The following PRKCZ variants were observed in gnomAD, a reference collection of about 807,000 sequenced individuals.
PRKCZ encodes protein kinase C zeta type.
Under a neutral mutation model 79.5 loss-of-function variants are expected in PRKCZ, and 33 were observed. The ratio of observed to expected loss-of-function variants is 0.41; its 90% CI spans 0.31 to 0.55. The LOEUF is 0.55. PRKCZ is among the 20% of genes least tolerant of loss of function. PRKCZ has a pLI of 0.19. For missense variants in PRKCZ, 578 were observed against 813.5 expected (o/e 0.71, Z 3.52); for synonymous variants, 342 against 320.9 (o/e 1.07, Z -0.70).
intron 10 of PRKCZ, among the ~76,000 whole-genome samples, chr1:2,163,679 A>C (rs965102675): frequency 2.0e-5 from 3 of 152,052 alleles, no homozygotes; most frequent in African/African-American, 7.2e-5. Flanking sequence ...TCACGAGGTC[A>C]GGAGATCAAG....
At position 2,172,620 on chromosome 1, in the gene PRKCZ, G is replaced by A. The variant is rs1016672532; in HGVS notation, c.1285+232G>A. ...GAGGGCACTGCACAGGATTCCTCCTGCCAGGGAGCCCCGGGGCACAGGGAG... is the reference window on the plus strand; with the variant it reads ...GAGGGCACTGCACAGGATTCCTCCTACCAGGGAGCCCCGGGGCACAGGGAG... On this transcript the variant is annotated intron_variant, in intron 13 of 17. Transcript: ENST00000378567. This position sits in a 1 kb window ranked among gnomAD's most constrained non-coding sequence, Gnocchi z 7.8. Among the ~76,000 whole-genome samples the A allele has an allele frequency of 1.3e-5, 2 of 152,190 alleles. No individual in the cohort carries two copies. Among genetic ancestry groups the A allele is most frequent in the Admixed American group, 6.5e-5 (1 of 15,288 alleles).
At chr1:2,074,112 CG>C in intron 4 of PRKCZ, 1 of 1,514,824 alleles carries the variant, frequency 6.6e-7, no homozygotes, top group Non-Finnish European at 8.8e-7. Context: ...TGCCACGGCC[CG>C]GGGAAGGCGT....
intron 4 of PRKCZ, chr1:2,074,362 C>G: frequency 6.6e-7 from 1 of 1,519,204 alleles, no homozygotes; most frequent in South Asian, 1.2e-5. Flanking sequence ...TTGGGCTCGT[C>G]TGCCTGCCTG....
At chr1:2,063,697 C>T (rs972983049) in intron 4 of PRKCZ, among the ~76,000 whole-genome samples, 1 of 152,244 alleles carries the variant, frequency 6.6e-6, no homozygotes, top group Non-Finnish European at 1.5e-5. Flanking sequence ...ACGAGCGCCA[C>T]TGTCTCCGCA....
chr1:2,132,873 G>A (rs1224589535), intron 4 of PRKCZ, among the ~76,000 whole-genome samples: 2 of 152,344 alleles, frequency 1.3e-5, no homozygotes, highest in East Asian at 3.9e-4. Flanking sequence ...CCACAGACAG[G>A]GTGACTTACA....
In PRKCZ at chr1:2,127,068, G is replaced by A. The variant is rs1674059731; in HGVS notation, c.335-8194G>A. 6.6e-6 allele frequency among the ~76,000 whole-genome samples: 1 copy of A among 152,216 alleles called. No homozygotes were observed. The highest frequency in any genetic ancestry group is 1.5e-5 in the Non-Finnish European group (1 of 68,046). The stretch of plus-strand genomic sequence containing the variant: ...CGGCTGTGCCTCTTCTGTCTCTCGA[G>A]CTCTTCTGTGCCGTGTGGTTGCACT... On this transcript the variant is annotated intron_variant, in intron 4 of 17. Coordinates refer to ENST00000378567, the MANE Select transcript of PRKCZ (RefSeq NM_002744.6). The surrounding 1 kb of genome is among the most constrained non-coding windows in gnomAD (Gnocchi z 5.1).
At chr1:2,111,275 C>G (rs559862705) in intron 4 of PRKCZ, among the ~76,000 whole-genome samples, 2 of 151,924 alleles carry the variant, frequency 1.3e-5, no homozygotes, top group East Asian at 3.9e-4. Flanking sequence ...ACTTAGGGGA[C>G]GGGGAGGGAA....
intron 4 of PRKCZ, among the ~76,000 whole-genome samples, chr1:2,133,343 G>A (rs1423390379): frequency 6.7e-6 from 1 of 150,232 alleles, no homozygotes; most frequent in Non-Finnish European, 1.5e-5. Flanking sequence ...GCCCCCAGTT[G>A]CTCGTCGGTT....
intron 4 of PRKCZ, among the ~76,000 whole-genome samples, chr1:2,122,899 GTAGT>G (rs1200495684): frequency 3.7e-5 from 1 of 26,888 alleles, no homozygotes; most frequent in Non-Finnish European, 6.6e-5. Context: ...GGTCACGGTG[GTAGT>G]TAGGGTCACG....
chr1:2,050,822 C>T (rs1390423960), intron 1 of PRKCZ, 121 bp downstream of exon 1: 9 of 620,666 alleles, frequency 1.5e-5, no homozygotes, highest in Non-Finnish European at 1.8e-5. Context: ...GCTGCGGGCC[C>T]GGGGCTGTCG....
chr1:2,074,438 G>GGGTCTGTA (rs1298690445), intron 4 of PRKCZ, among the ~76,000 whole-genome samples: 1 of 152,096 alleles, frequency 6.6e-6, no homozygotes, highest in African/African-American at 2.4e-5. Flanking sequence ...GTGGGTCTGT[G>GGGTCTGTA]GGTCTGTCGG....
rs1313760293 is a variant in PRKCZ, at chr1:2,172,150, C to A, written c.1157C>A (p.Ala386Glu). The change falls in exon 12 of 18, where the codon GCG (alanine) becomes GAG (glutamate). Residue 386 changes from alanine (A) to glutamate (E), a missense_variant. Transcript: ENST00000378567. The surrounding 1 kb of genome is among the most constrained non-coding windows in gnomAD (Gnocchi z 7.8). The part of the protein sequence containing the change: ...DLKLDNVLLD[A>E]DGHIKLTDYG... ...AAGCTGGACAACGTCCTCCTGGATG[C>A]GGACGGGCACATCAAGCTCACAGAC... 2 of 1,613,238 alleles carry A rather than the reference C, an allele frequency of 1.2e-6. No individual in the cohort carries two copies. Among genetic ancestry groups the A allele is most frequent in the African/African-American group, 1.3e-5 (1 of 74,930 alleles).
At chr1:2,076,509 G>A (rs1023434701) in intron 4 of PRKCZ, among the ~76,000 whole-genome samples, 2 of 152,182 alleles carry the variant, frequency 1.3e-5, no homozygotes, top group South Asian at 2.1e-4. Flanking sequence ...TTGGGAGGCC[G>A]AGGTGGGGGA....
chr1:2,052,050 T>C (rs1341876329), intron 1 of PRKCZ, among the ~76,000 whole-genome samples: 3 of 152,146 alleles, frequency 2.0e-5, no homozygotes, highest in Admixed American at 2.0e-4. Context: ...TGGTTGACGT[T>C]CTGGCTATTG....
chr1:2,154,407 C>T (rs559037203), intron 9 of PRKCZ, among the ~76,000 whole-genome samples: 2 of 152,144 alleles, frequency 1.3e-5, no homozygotes, highest in South Asian at 2.1e-4. Context: ...GACCAAGCCT[C>T]GAGGAGGAGG....
At chr1:2,160,063 A>G (rs542265909) in intron 10 of PRKCZ, among the ~76,000 whole-genome samples, 1 of 152,284 alleles carries the variant, frequency 6.6e-6, no homozygotes, top group South Asian at 2.1e-4. Context: ...ACTGTTTGCC[A>G]CGGTTGATTA....
intron 4 of PRKCZ, chr1:2,074,648 G>T: frequency 2.6e-6 from 1 of 381,974 alleles, no homozygotes; most frequent in Non-Finnish European, 4.9e-6. Context: ...TGACAGTGTT[G>T]GGTTGGAGTC....
rs182659191 is a variant in PRKCZ, at chr1:2,117,246, G to A, written c.335-18016G>A. 1.6e-3 allele frequency among the ~76,000 whole-genome samples: 246 copies of A among 152,202 alleles called. 1 individual carries two copies. Among genetic ancestry groups the A allele is most frequent in the African/African-American group, 5.6e-3 (234 of 41,534 alleles). On this transcript the variant is annotated intron_variant, in intron 4 of 17. Coordinates refer to ENST00000378567, the MANE Select transcript of PRKCZ (RefSeq NM_002744.6). ...ATTACAGATGCAAGCCACTGCACCCGGCCTTAAATTCTTTCAATAATATTT... is the reference window on the plus strand; with the variant it reads ...ATTACAGATGCAAGCCACTGCACCCAGCCTTAAATTCTTTCAATAATATTT...
intron 4 of PRKCZ, among the ~76,000 whole-genome samples, chr1:2,095,611 G>A (rs1450857443): frequency 6.6e-6 from 1 of 152,028 alleles, no homozygotes; most frequent in Non-Finnish European, 1.5e-5. Flanking sequence ...GTGCCGGCCG[G>A]CTGTGCCCAA....
Sources: allele counts gnomAD v4.1 joint callset (sites outside exome capture counted in the v4.1 genomes callset), GRCh38; gene constraint gnomAD v4.1.1; non-coding constraint Gnocchi (gnomAD v3.1); transcripts MANE v1.5; gene names NCBI Gene and HGNC (gene_info 2026-07-23, HGNC 2026-07-21).